SDCBP: variants seen among roughly 807,000 people sequenced by gnomAD.
SDCBP encodes syndecan binding protein.
A neutral mutation model predicts 30.5 loss-of-function variants in SDCBP; 22 were observed. The ratio of observed to expected loss-of-function variants is 0.72; its 90% confidence interval spans 0.52 to 1.03. The LOEUF is 1.03. Among genes scored for constraint, SDCBP ranks in the 50% least tolerant of loss-of-function variants. The probability of loss-of-function intolerance (pLI) is 0.00; values close to 1 mark genes in which losing one functional copy is unlikely to be tolerated. For missense variants in SDCBP, 304 were observed against 369.9 expected, an observed-to-expected ratio of 0.82 and a Z score of 1.46; for synonymous variants, 103 against 118.7, an observed-to-expected ratio of 0.87 and a Z score of 0.86.
chr8:58,557,019 A>G (rs1207940144), intron 1 of SDCBP, among the ~76,000 whole-genome samples: 3 of 134,346 alleles, frequency 2.2e-5, no homozygotes, highest in African/African-American at 8.5e-5. Flanking sequence ...TATATCTTAT[A>G]TACTATATTA....
In SDCBP at chr8:58,573,895, GACA is replaced by G. The variant is rs948567660; in HGVS notation, c.240+1593_240+1595del. ...TTGTACAAACATTTGAATTTCATGT[GACA>G]ACAACAACAACTTTATAGTTTCTCC... On this transcript the variant is annotated intron_variant, in intron 4 of 8. Transcript: ENST00000260130. Among the ~76,000 whole-genome samples the G allele has an allele frequency of 2.0e-4, 30 of 152,190 alleles. No homozygotes were observed. In the South Asian group the frequency reaches 2.1e-3, roughly 11 times the overall value.
In SDCBP at chr8:58,581,801, G is replaced by A. The variant is rs1805702637; in HGVS notation, c.*61G>A. On this transcript the variant is annotated 3_prime_UTR_variant, in exon 9 of 9. Coordinates refer to ENST00000260130, the MANE Select transcript of SDCBP (RefSeq NM_005625.4). ...CCAGTTTCCTTCTTTGGCAACTTCT[G>A]TATTATGCACGTGAAGCCTTCCCGG... is the stretch of plus-strand genomic sequence containing the variant. 2.8e-6 allele frequency: 4 copies of A among 1,423,486 alleles called. No individual in the cohort carries two copies. Among genetic ancestry groups the A allele is most frequent in the South Asian group, 2.3e-5 (2 of 87,100 alleles). The allele number at this position is 1,423,486 out of a possible 1,614,324, so 88.2% of individuals were successfully genotyped here.
In SDCBP at chr8:58,581,955, A is replaced by C; in HGVS notation, c.*215A>C. On this transcript the variant is annotated 3_prime_UTR_variant, in exon 9 of 9. Transcript: ENST00000260130. ...CCTTATCCTGGTTTTACAGATGTGA[A>C]ACTTTCAAGAGATTTACTGACTTTC... is the stretch of plus-strand genomic sequence containing the variant. The C allele has an allele frequency of 1.9e-6, 1 of 521,974 alleles. No individual in the cohort carries two copies. The highest frequency in any genetic ancestry group is 3.3e-5 in the East Asian group (1 of 30,314). The allele number at this position is 521,974 out of a possible 1,614,324, so 32.3% of individuals were successfully genotyped here.
chr8:58,577,599 A>G (rs892614535), intron 5 of SDCBP, among the ~76,000 whole-genome samples: 5 of 152,228 alleles, frequency 3.3e-5, no homozygotes. Context: ...TTAAGCTGTA[A>G]AAGAACTCAT....
Position 58,580,551 on chromosome 8 carries a change from G to A in SDCBP, c.785G>A (p.Gly262Glu). The A allele has an allele frequency of 6.3e-7, 1 of 1,595,392 alleles. No individual in the cohort carries two copies. Among genetic ancestry groups the A allele is most frequent in the Non-Finnish European group, 8.6e-7 (1 of 1,163,778 alleles). The change falls in exon 8 of 9, where the codon GGG becomes GAG. Residue 262 changes from glycine to glutamate, a missense_variant. By Grantham distance (98) the Gly-to-Glu change is moderately conservative. Coordinates refer to ENST00000260130, the MANE Select transcript of SDCBP (RefSeq NM_005625.4). ...ATTGCAGACATACTGTCAACATCTG[G>A]GACTGTAGTTACTATTACAATCATG... ...SQIADILSTSGTVVTITIMPA... is the reference protein window; with the variant it reads ...SQIADILSTSETVVTITIMPA...
At chr8:58,555,021 T>C (rs1346502349) in intron 1 of SDCBP, among the ~76,000 whole-genome samples, 1 of 152,234 alleles carries the variant, frequency 6.6e-6, no homozygotes, top group East Asian at 1.9e-4. Flanking sequence ...GGCAAACATA[T>C]AAGCTGTATT....
intron 4 of SDCBP, among the ~76,000 whole-genome samples, chr8:58,574,713 T>C (rs1024473450): frequency 6.6e-6 from 1 of 152,204 alleles, no homozygotes; most frequent in African/African-American, 2.4e-5. Flanking sequence ...TATTGAGGTA[T>C]AATTAACAAA....
intron 1 of SDCBP, among the ~76,000 whole-genome samples, chr8:58,562,255 T>G (rs1277444184): frequency 6.6e-6 from 1 of 152,024 alleles, no homozygotes; most frequent in Non-Finnish European, 1.5e-5. Flanking sequence ...ATTAAAAAAA[T>G]AAAACCAAGA....
chr8:58,578,396 C>A, intron 6 of SDCBP, 188 bp downstream of exon 6: 1 of 441,130 alleles, frequency 2.3e-6, no homozygotes. Flanking sequence ...TGATACGATA[C>A]CTTATTTCAG....
At position 58,579,656 on chromosome 8, in the gene SDCBP, T is replaced by C. The variant is rs367684792; in HGVS notation, c.612T>C (p.Asp204=). 5 of 1,607,082 alleles carry C rather than the reference T, an allele frequency of 3.1e-6. No homozygotes were observed. Among genetic ancestry groups the C allele is most frequent in the African/African-American group, 1.3e-5 (1 of 74,666 alleles). The change falls in exon 7 of 9, where the codon GAT becomes GAC. Residue 204 remains aspartate, a synonymous_variant. Transcript: ENST00000260130. ...PFERTITMHK[D]STGHVGFIFK... is the part of the protein sequence containing the mutation. The stretch of plus-strand genomic sequence containing the variant: ...AACGGACGATTACCATGCATAAGGA[T>C]AGCACTGGACATGTTGGTTTTATCT...
intron 1 of SDCBP, among the ~76,000 whole-genome samples, chr8:58,556,320 G>A (rs752559276): frequency 3.3e-5 from 5 of 152,172 alleles, no homozygotes; most frequent in Non-Finnish European, 5.9e-5. Context: ...AGAATCTAAT[G>A]CTGCCACTGA....
intron 1 of SDCBP, chr8:58,561,823 TAA>T (rs1804456662): frequency 4.4e-6 from 3 of 677,004 alleles, no homozygotes; most frequent in East Asian, 2.7e-5. Context: ...TTCTGATATA[TAA>T]GTCTAAGACA....
chr8:58,579,646 T>C lies in SDCBP; in HGVS notation c.602T>C (p.Met201Thr). 1 of 1,593,724 alleles carries C rather than the reference T, an allele frequency of 6.3e-7. No individual in the cohort carries two copies. Among genetic ancestry groups the C allele is most frequent in the Non-Finnish European group, 8.5e-7 (1 of 1,170,724 alleles). Residue 201 changes from methionine (M) to threonine (T), a missense_variant, in exon 7 of 9, where the codon ATG (methionine) becomes ACG (threonine). Met to Thr is a moderately conservative substitution (Grantham distance 81). Transcript: ENST00000260130. ...RDRPFERTITMHKDSTGHVGF... is the reference protein window; with the variant it reads ...RDRPFERTITTHKDSTGHVGF... ...AGGCCCTTTGAACGGACGATTACCA[T>C]GCATAAGGATAGCACTGGACATGTT...
intron 1 of SDCBP, among the ~76,000 whole-genome samples, chr8:58,554,795 A>T (rs1337331743): frequency 1.2e-4 from 18 of 152,214 alleles, no homozygotes; most frequent in Admixed American, 1.2e-3. Flanking sequence ...TAACTTTGAA[A>T]TACTTTCTAC....
chr8:58,577,256 A>G (rs1805391327), intron 5 of SDCBP, among the ~76,000 whole-genome samples: 2 of 152,194 alleles, frequency 1.3e-5, no homozygotes, highest in African/African-American at 4.8e-5. Context: ...GAAATATGTG[A>G]CCTAGCTTAG....
At position 58,572,394 on chromosome 8, in the gene SDCBP, C is replaced by G. The variant is rs1480697643; in HGVS notation, c.240+80C>G. 5.4e-6 allele frequency: 5 copies of G among 927,762 alleles called. No homozygotes were observed. In the East Asian group the frequency reaches 1.2e-4, roughly 23 times the overall value. 57.5% of individuals were successfully genotyped at this position (927,762 alleles called of 1,614,324 possible). The stretch of plus-strand genomic sequence containing the variant: ...TATAAGCTTTCCTCTTTGTGGCTAA[C>G]TCACAGATATACTACTAGCATTGAA... On this transcript the variant is annotated intron_variant, in intron 4 of 8. Transcript: ENST00000260130.
At chr8:58,563,413 G>A (rs1232545753) in intron 1 of SDCBP, among the ~76,000 whole-genome samples, 1 of 152,144 alleles carries the variant, frequency 6.6e-6, no homozygotes, top group East Asian at 1.9e-4. Context: ...GCCTGGAGCT[G>A]GAAGGAGGGT....
intron 4 of SDCBP, among the ~76,000 whole-genome samples, chr8:58,574,294 C>A (rs77342596): frequency 0.067 from 10,155 of 152,038 alleles, 858 homozygotes; most frequent in East Asian, 0.26. Context: ...TTAACCACTA[C>A]CAACAATTCA....
At chr8:58,575,773 A>G in intron 4 of SDCBP, 127 bp from the exon 5 acceptor site, 1 of 738,584 alleles carries the variant, frequency 1.4e-6, no homozygotes, top group Non-Finnish European at 2.2e-6. Context: ...ATCAAACTTT[A>G]TCGGAAGGAA....
Sources: allele counts gnomAD v4.1 joint callset (sites outside exome capture counted in the v4.1 genomes callset), GRCh38; gene constraint gnomAD v4.1.1; transcripts MANE v1.5; gene names NCBI Gene and HGNC (gene_info 2026-07-23, HGNC 2026-07-21).